Variants in ARHGEF37 observed in about 807,000 individuals in gnomAD.
ARHGEF37 encodes Rho guanine nucleotide exchange factor (GEF) 37.
ARHGEF37 carries 55 observed loss-of-function variants against 71.1 expected under a neutral mutation model. That is an observed-to-expected ratio of 0.77 (90% confidence interval 0.62 to 0.97). ARHGEF37 has a LOEUF of 0.97. ARHGEF37 is among the 50% of genes least tolerant of loss of function. ARHGEF37 has a pLI of 0.00. For missense variants in ARHGEF37, 765 were observed against 836.8 expected (o/e 0.91, Z 1.06); for synonymous variants, 327 against 350.6 (o/e 0.93, Z 0.75).
At position 149,618,199 on chromosome 5, in the gene ARHGEF37, C is replaced by A. The variant is rs745522900; in HGVS notation, c.682C>A (p.Gln228Lys). The part of the protein sequence containing the change: ...EVASKYTKVE[Q>K]LTLRERLARI... ...AGCCTCCAAGTACACCAAGGTAGAGCAGCTGACCCTCCGGGAGCGGCTGGC... is the reference window on the plus strand; with the variant it reads ...AGCCTCCAAGTACACCAAGGTAGAGAAGCTGACCCTCCGGGAGCGGCTGGC... Residue 228 changes from glutamine to lysine, a missense_variant, in exon 6 of 13, where the codon CAG (glutamine) becomes AAG (lysine). Around this residue, in one of 5 missense-constraint regions of ARHGEF37, gnomAD observed 167 missense variants for 173.3 expected, o/e 0.96. Coordinates refer to ENST00000333677, the MANE Select transcript of ARHGEF37 (RefSeq NM_001001669.3). The A allele has an allele frequency of 6.2e-7, 1 of 1,614,096 alleles. No homozygotes were observed. Among genetic ancestry groups the A allele is most frequent in the African/African-American group, 1.3e-5 (1 of 74,948 alleles).
chr5:149,627,292 C>T (rs1185671681), intron 11 of ARHGEF37, 21 bp downstream of exon 11: 10 of 1,603,928 alleles, frequency 6.2e-6, no homozygotes, highest in Non-Finnish European at 8.5e-6. Context: ...CTTTGGGAGC[C>T]CTTCTTCTCC....
At position 149,609,464 on chromosome 5, in the gene ARHGEF37, G is replaced by C; in HGVS notation, c.311-84G>C. The C allele has an allele frequency of 2.1e-6, 3 of 1,453,514 alleles. 1 individual carries two copies. The South Asian group carries it at 3.6e-5, about 17-fold the overall frequency. The allele number at this position is 1,453,514 out of a possible 1,614,324, so 90.0% of individuals were successfully genotyped here. On this transcript the variant is annotated intron_variant, in intron 3 of 12. Coordinates refer to ENST00000333677, the MANE Select transcript of ARHGEF37 (RefSeq NM_001001669.3). ...CAGCAATCTCACTGGAGAGCTGGAG[G>C]GGTTTACTTACTGCCTCCCTGTTCC...
intron 1 of ARHGEF37, among the ~76,000 whole-genome samples, chr5:149,594,961 C>G (rs1020088797): frequency 6.6e-6 from 1 of 152,088 alleles, no homozygotes; most frequent in Non-Finnish European, 1.5e-5. Context: ...TTGAATAAAG[C>G]CAATCCTAAA....
rs3733662 is a variant in ARHGEF37, at chr5:149,628,904, C to A, written c.1756C>A (p.Pro586Thr). ...AAGGCAGGCGGGGCTGAACAAAGAC[C>A]CCCGATGTCTAACACCGGAGCCCAG... ...LRRQAGLNKD[P>T]RCLTPEPSPA... The change falls in exon 12 of 13, where the codon CCC (proline) becomes ACC (threonine). Residue 586 changes from proline (P) to threonine (T), a missense_variant. Pro to Thr is a conservative substitution (Grantham distance 38). Around this residue, in one of 5 missense-constraint regions of ARHGEF37, gnomAD observed 390 missense variants for 407.4 expected, o/e 0.96. Transcript: ENST00000333677. The A allele has an allele frequency of 0.16, 252,205 of 1,613,002 alleles. 21,280 individuals carry two copies. Among genetic ancestry groups the A allele is most frequent in the East Asian group, 0.3 (13,632 of 44,846 alleles).
At chr5:149,618,364 C>T (rs2113366237) in intron 6 of ARHGEF37, 58 bp downstream of exon 6, 2 of 1,609,450 alleles carry the variant, frequency 1.2e-6, no homozygotes, top group East Asian at 2.2e-5. Context: ...CCAGGCCCTG[C>T]ACAGTGGGTA....
chr5:149,576,044 C>T (rs1025966889), intron 1 of ARHGEF37, among the ~76,000 whole-genome samples: 14 of 152,170 alleles, frequency 9.2e-5, no homozygotes, highest in Admixed American at 7.8e-4. Context: ...TCAGGAGTTC[C>T]AGACCAGCCT....
At chr5:149,559,835 T>C (rs1339711174) in intron 1 of ARHGEF37, among the ~76,000 whole-genome samples, 2 of 152,118 alleles carry the variant, frequency 1.3e-5, no homozygotes, top group Non-Finnish European at 2.9e-5. Flanking sequence ...ATTCTCTCTC[T>C]CCCCCCAATT....
At chr5:149,556,008 T>C (rs964740557) in intron 1 of ARHGEF37, among the ~76,000 whole-genome samples, 3 of 152,054 alleles carry the variant, frequency 2.0e-5, no homozygotes, top group Non-Finnish European at 4.4e-5. Flanking sequence ...AGCCACAGTG[T>C]TTACTCAAGC....
intron 4 of ARHGEF37, among the ~76,000 whole-genome samples, chr5:149,612,231 G>A (rs746444728): frequency 1.3e-4 from 20 of 152,038 alleles, no homozygotes; most frequent in Non-Finnish European, 1.6e-4. Flanking sequence ...GCAGTGGCGC[G>A]ATCTCGGCCC....
At chr5:149,610,240 A>C (rs978542466) in intron 4 of ARHGEF37, among the ~76,000 whole-genome samples, 2 of 152,128 alleles carry the variant, frequency 1.3e-5, no homozygotes, top group African/African-American at 4.8e-5. Flanking sequence ...GGTGGGACCC[A>C]TGTGTTCCCA....
chr5:149,616,755 G>T lies in ARHGEF37; in HGVS notation c.647G>T (p.Arg216Leu), dbSNP rs547194661. 10 of 1,602,096 alleles carry T rather than the reference G, an allele frequency of 6.2e-6. No homozygotes were observed. The highest frequency in any genetic ancestry group is 1.7e-5 in the Admixed American group (1 of 59,684). ...ACCAATATCAATGAGTACAAGATGC[G>T]CAAGGAAGTGGGTAAGGACTTGGGC... is the stretch of plus-strand genomic sequence containing the variant. The part of the protein sequence containing the change: ...VNTNINEYKM[R>L]KEVASKYTKV... Residue 216 changes from arginine to leucine, a missense_variant, in exon 5 of 13, where the codon CGC becomes CTC. By Grantham distance (102) the Arg-to-Leu change is moderately radical. This residue lies in a region of ARHGEF37 where 167 missense variants were observed against 173.3 expected (regional missense o/e 0.96). Coordinates refer to ENST00000333677, the MANE Select transcript of ARHGEF37 (RefSeq NM_001001669.3).
intron 1 of ARHGEF37, among the ~76,000 whole-genome samples, chr5:149,583,971 G>A (rs923758806): frequency 2.6e-5 from 4 of 152,016 alleles, no homozygotes; most frequent in South Asian, 2.1e-4. Context: ...TATTGCCCAC[G>A]CTGGTCATGA....
chr5:149,558,493 G>A (rs567908323), intron 1 of ARHGEF37, among the ~76,000 whole-genome samples: 7 of 152,184 alleles, frequency 4.6e-5, no homozygotes, highest in African/African-American at 1.7e-4. Context: ...GCGACAGAGC[G>A]AGACTCAGTC....
intron 1 of ARHGEF37, among the ~76,000 whole-genome samples, chr5:149,582,141 G>A (rs751731377): frequency 1.3e-5 from 2 of 152,226 alleles, no homozygotes; most frequent in Admixed American, 1.3e-4. Flanking sequence ...AAGTCAGAAC[G>A]TCCGGCTTCT....
At chr5:149,581,108 C>A (rs937181154), upstream of ARHGEF37, among the ~76,000 whole-genome samples, 9 of 152,216 alleles carry the variant, frequency 5.9e-5, no homozygotes, top group African/African-American at 2.2e-4. Context: ...CGGCAGCCAA[C>A]ACTAAGAATT....
intron 1 of ARHGEF37, among the ~76,000 whole-genome samples, chr5:149,559,127 C>A (rs1323742804): frequency 6.6e-6 from 1 of 152,118 alleles, no homozygotes; most frequent in African/African-American, 2.4e-5. Flanking sequence ...TCGAGACCAG[C>A]CTGGCCAACG....
At chr5:149,580,885 CA>C (rs1256743072), upstream of ARHGEF37, among the ~76,000 whole-genome samples, 1 of 152,206 alleles carries the variant, frequency 6.6e-6, no homozygotes, top group Non-Finnish European at 1.5e-5. Flanking sequence ...CTATCACTTT[CA>C]ATGGTGGGTT....
rs144591209 is a variant in ARHGEF37 at position 149,574,227 on chromosome 5, C to A, written c.-12+22104C>A. 4.2e-3 allele frequency among the ~76,000 whole-genome samples: 638 copies of A among 152,290 alleles called. 11 individuals carry two copies. Among genetic ancestry groups the A allele is most frequent in the African/African-American group, 0.014 (587 of 41,568 alleles). ...CCTTTCACTAGACATTTTTCTCATGCAGTTTCTAGCAGAGGTGCACTAACA... is the reference window on the plus strand; with the variant it reads ...CCTTTCACTAGACATTTTTCTCATGAAGTTTCTAGCAGAGGTGCACTAACA... On this transcript the variant is annotated intron_variant, in intron 1 of 2. Coordinates refer to the ARHGEF37 transcript ENST00000505810.
Position 149,620,208 on chromosome 5 carries a change from G to A in ARHGEF37, c.895-146G>A, listed in dbSNP as rs1361981173. The A allele has an allele frequency of 7.5e-6, 4 of 530,728 alleles. No individual in the cohort carries two copies. In the African/African-American group the frequency reaches 7.8e-5, roughly 10 times the overall value. 32.9% of individuals were successfully genotyped at this position (530,728 alleles called of 1,614,324 possible). ...AACTTTCTAATCACTTAAGCTGTGT[G>A]AGAATAGAATCAGCTGTGTGTGTCC... On this transcript the variant is annotated intron_variant, in intron 7 of 12. Coordinates refer to ENST00000333677, the MANE Select transcript of ARHGEF37 (RefSeq NM_001001669.3).
Sources: allele counts gnomAD v4.1 joint callset (sites outside exome capture counted in the v4.1 genomes callset), GRCh38; gene constraint gnomAD v4.1.1; regional missense constraint gnomAD v4.1.1; transcripts MANE v1.5; gene names NCBI Gene and HGNC (gene_info 2026-07-23, HGNC 2026-07-21).